CLYBL: variants seen among roughly 807,000 people sequenced by gnomAD.
The protein encoded by CLYBL is citramalyl-CoA lyase, mitochondrial.
In CLYBL, 31 loss-of-function variants were observed where a neutral mutation model predicts 38.9. The ratio of observed to expected loss-of-function variants is 0.80; its 90% CI spans 0.60 to 1.08. The LOEUF (loss-of-function observed/expected upper bound fraction) is 1.08. Ranked by LOEUF, CLYBL falls within the 50% of genes least tolerant of loss-of-function variation. CLYBL has a pLI of 0.00. For missense variants in CLYBL, 434 were observed against 411.6 expected (o/e 1.05, Z -0.47); for synonymous variants, 171 against 158.6 (o/e 1.08, Z -0.59).
intron 2 of CLYBL, among the ~76,000 whole-genome samples, chr13:99,847,270 C>T (rs2051227144): frequency 6.6e-6 from 1 of 152,080 alleles, no homozygotes; most frequent in African/African-American, 2.4e-5. Flanking sequence ...ATTCATGGCA[C>T]CTTTGGAAAA....
At position 99,779,784 on chromosome 13, in the gene CLYBL, G is replaced by GT. The variant is rs2049601009; in HGVS notation, c.249+6781dup. On this transcript the variant is annotated intron_variant, in intron 2 of 8. Coordinates refer to ENST00000339105, the MANE Select transcript of CLYBL (RefSeq NM_206808.5). ...AGTGTAGGAGAGTTTTTTGTTTTTT[G>GT]TTTTTTTCAATTTATCTTTTTGTTG... Among the ~76,000 whole-genome samples the GT allele has an allele frequency of 1.5e-4, 23 of 152,018 alleles. No individual in the cohort carries two copies. The South Asian group carries it at 4.6e-3, about 30-fold the overall frequency.
At chr13:99,829,198 A>C (rs964509553) in intron 2 of CLYBL, among the ~76,000 whole-genome samples, 1 of 152,240 alleles carries the variant, frequency 6.6e-6, no homozygotes, top group Non-Finnish European at 1.5e-5. Context: ...GCTCCAGGTC[A>C]TTTTAGTCAC....
chr13:99,629,614 C>T (rs1216158228), intron 1 of CLYBL, among the ~76,000 whole-genome samples: 4 of 152,158 alleles, frequency 2.6e-5, no homozygotes, highest in African/African-American at 9.7e-5. Context: ...TATTCTGATT[C>T]TCATGGGCAG....
chr13:99,606,749 G>T lies in CLYBL; in HGVS notation c.54G>T (p.Leu18=). The T allele has an allele frequency of 6.7e-7, 1 of 1,483,476 alleles. No homozygotes were observed. The highest frequency in any genetic ancestry group is 2.3e-5 in the Admixed American group (1 of 44,376). The allele number at this position is 1,483,476 out of a possible 1,614,324, so 91.9% of individuals were successfully genotyped here. Residue 18 remains leucine, a synonymous_variant, in exon 1 of 9, where the codon CTG becomes CTT. Transcript: ENST00000339105. ...RAARGAAAAA[L]LRLKASLAAD... ...CGCGCGGAGCTGCGGCGGCGGCGCT[G>T]CTGAGGCTGTGAGTGCAGGTCCCCG...
intron 2 of CLYBL, among the ~76,000 whole-genome samples, chr13:99,802,085 G>T (rs1229112035): frequency 6.6e-6 from 1 of 151,940 alleles, no homozygotes; most frequent in Admixed American, 6.6e-5. Flanking sequence ...AGTCCCTTTG[G>T]GCTGCTGTAA....
intron 1 of CLYBL, among the ~76,000 whole-genome samples, chr13:99,658,599 T>G (rs2047364594): frequency 6.6e-6 from 1 of 152,106 alleles, no homozygotes; most frequent in East Asian, 1.9e-4. Context: ...GCGACAGGCC[T>G]CGGCCACAGG....
chr13:99,757,752 C>T (rs1277784262), intron 1 of CLYBL, among the ~76,000 whole-genome samples: 3 of 152,212 alleles, frequency 2.0e-5, no homozygotes, highest in African/African-American at 7.2e-5. Context: ...AACCACTGCG[C>T]CTGGCCACCT....
intron 2 of CLYBL, among the ~76,000 whole-genome samples, chr13:99,785,947 C>T (rs1478224310): frequency 8.6e-5 from 13 of 151,810 alleles, no homozygotes; most frequent in Admixed American, 8.5e-4. Context: ...GATATATTGA[C>T]TCCTCACTAT....
chr13:99,882,018 T>C (rs1299373020), intron 7 of CLYBL, among the ~76,000 whole-genome samples: 1 of 152,204 alleles, frequency 6.6e-6, no homozygotes, highest in Non-Finnish European at 1.5e-5. Context: ...CTGCACATTA[T>C]CTGTATGTAT....
chr13:99,881,006 C>G (rs1011544972), intron 7 of CLYBL, among the ~76,000 whole-genome samples: 2 of 152,252 alleles, frequency 1.3e-5, no homozygotes, highest in Admixed American at 1.3e-4. Context: ...GCTCAGCATG[C>G]TGCTCCCGTC....
intron 1 of CLYBL, among the ~76,000 whole-genome samples, chr13:99,676,860 C>CA (rs1203623851): frequency 1.3e-5 from 2 of 152,130 alleles, no homozygotes; most frequent in Admixed American, 6.5e-5. Context: ...CCACCTCAGC[C>CA]TCCCAGAGTG....
At chr13:99,902,186 C>A (rs561538197) in intron 8 of CLYBL, among the ~76,000 whole-genome samples, 1 of 152,184 alleles carries the variant, frequency 6.6e-6, no homozygotes, top group South Asian at 2.1e-4. Context: ...TAACCTTATT[C>A]CTTTTGGGGG....
At position 99,864,866 on chromosome 13, in the gene CLYBL, C is replaced by A; in HGVS notation, c.589C>A (p.Leu197Ile). The change falls in exon 5 of 9, where the codon CTA (leucine) becomes ATA (isoleucine). Residue 197 changes from leucine (L) to isoleucine (I), a missense_variant. Leu to Ile is a conservative substitution (Grantham distance 5). Transcript: ENST00000339105. The stretch of plus-strand genomic sequence containing the variant: ...GGTCGGGCCTCAAGTAGGTCTCTTT[C>A]TAGATGCAGTCGTTTTTGGAGGAGA... Reference protein sequence around the residue: ...LKVGPQVGLFLDAVVFGGEDF... With the variant: ...LKVGPQVGLFIDAVVFGGEDF... 1 of 1,614,068 alleles carries A rather than the reference C, an allele frequency of 6.2e-7. No homozygotes were observed. The highest frequency in any genetic ancestry group is 8.5e-7 in the Non-Finnish European group (1 of 1,179,974).
chr13:99,613,020 G>GTGA (rs199533089), intron 1 of CLYBL, among the ~76,000 whole-genome samples: 4 of 61,990 alleles, frequency 6.5e-5, no homozygotes, highest in African/African-American at 1.6e-4. Flanking sequence ...ATTAAAAATA[G>GTGA]TGATGATAAT....
intron 1 of CLYBL, among the ~76,000 whole-genome samples, chr13:99,770,469 C>A (rs961432841): frequency 6.6e-6 from 1 of 152,142 alleles, no homozygotes; most frequent in Non-Finnish European, 1.5e-5. Flanking sequence ...AGGCGCCCGC[C>A]ACCACGCCTG....
intron 2 of CLYBL, among the ~76,000 whole-genome samples, chr13:99,843,980 C>T (rs779275767): frequency 1.3e-5 from 2 of 152,154 alleles, no homozygotes; most frequent in Admixed American, 1.3e-4. Context: ...AATGATTGTG[C>T]GGATCATGTC....
intron 7 of CLYBL, among the ~76,000 whole-genome samples, chr13:99,889,915 T>A (rs2052444847): frequency 6.6e-6 from 1 of 152,160 alleles, no homozygotes; most frequent in African/African-American, 2.4e-5. Context: ...CCATCATCAA[T>A]GTGCATTAGG....
At chr13:99,642,283 C>A (rs73564205) in intron 1 of CLYBL, among the ~76,000 whole-genome samples, 4 of 152,092 alleles carry the variant, frequency 2.6e-5, no homozygotes, top group African/African-American at 9.7e-5. Context: ...CCCTGGGCAC[C>A]GAGCATATTC....
At chr13:99,796,122 T>A (rs894431147) in intron 2 of CLYBL, among the ~76,000 whole-genome samples, 1 of 152,124 alleles carries the variant, frequency 6.6e-6, no homozygotes, top group Admixed American at 6.5e-5. Flanking sequence ...CATAAGAGGA[T>A]TAGGAAGAAC....
Sources: gnomAD v4.1 joint callset for allele counts (sites outside exome capture counted in the v4.1 genomes callset) on GRCh38, gnomAD v4.1.1 for gene constraint, MANE v1.5 for transcripts, NCBI Gene and HGNC (gene_info 2026-07-23, HGNC 2026-07-21) for gene names.